Variants in GRIK4 observed in about 807,000 individuals in gnomAD.
The protein encoded by GRIK4 is glutamate receptor ionotropic, kainate 4.
GRIK4 carries 40 observed loss-of-function variants against 104.9 expected under a neutral mutation model. The ratio of observed to expected loss-of-function variants is 0.38; its 90% CI spans 0.30 to 0.50. The LOEUF is 0.50. Among genes scored for constraint, GRIK4 ranks in the 20% least tolerant of loss-of-function variants. GRIK4 has a pLI of 0.93. For missense variants in GRIK4, 1,047 were observed against 1,308.1 expected (o/e 0.80, Z 3.08); for synonymous variants, 485 against 524.9 (o/e 0.92, Z 1.04).
rs1172160547 is a variant in GRIK4, at chr11:120,986,026, C to G, written c.2637C>G (p.Arg879=). The change falls in exon 21 of 21, where the codon CGC becomes CGG. Residue 879 remains arginine, a synonymous_variant. Coordinates refer to ENST00000527524, the MANE Select transcript of GRIK4 (RefSeq NM_014619.5). ...PPPRPPIPEE[R]RPRGTATLSN... ...CCCGGCCCCCCATCCCCGAGGAGCG[C>G]CGACCGCGGGGCACGGCGACGCTCA... is the stretch of plus-strand genomic sequence containing the variant. 1 of 1,525,612 alleles carries G rather than the reference C, an allele frequency of 6.6e-7. No individual in the cohort carries two copies. The highest frequency in any genetic ancestry group is 8.8e-7 in the Non-Finnish European group (1 of 1,137,742). 94.5% of individuals were successfully genotyped at this position (1,525,612 alleles called of 1,614,324 possible).
At chr11:120,890,050 G>A (rs1238223294) in intron 11 of GRIK4, among the ~76,000 whole-genome samples, 1 of 152,120 alleles carries the variant, frequency 6.6e-6, no homozygotes, top group Non-Finnish European at 1.5e-5. Context: ...AAGTTGGAGG[G>A]TGGAACTTGA....
chr11:120,683,250 T>C (rs1375158878), intron 3 of GRIK4, among the ~76,000 whole-genome samples: 1 of 152,108 alleles, frequency 6.6e-6, no homozygotes. Flanking sequence ...ACAATGGAGA[T>C]GGTGAGAAGT....
At chr11:120,789,975 G>A (rs1250041358) in intron 3 of GRIK4, among the ~76,000 whole-genome samples, 1 of 152,100 alleles carries the variant, frequency 6.6e-6, no homozygotes, top group African/African-American at 2.4e-5. Context: ...TCTCTCTATG[G>A]AACCACTTCA....
chr11:120,727,133 AG>A (rs1008070630), intron 3 of GRIK4, among the ~76,000 whole-genome samples: 7 of 152,144 alleles, frequency 4.6e-5, no homozygotes, highest in African/African-American at 1.7e-4. Context: ...TGCAGTTGGG[AG>A]GGGTTTGGCC....
At chr11:120,547,866 A>G (rs1948101177) in intron 1 of GRIK4, among the ~76,000 whole-genome samples, 2 of 152,140 alleles carry the variant, frequency 1.3e-5, no homozygotes, top group African/African-American at 4.8e-5. Context: ...GCCCTGTTAG[A>G]GCTTTAAGAA....
chr11:120,945,250 T>G (rs1943830711), intron 14 of GRIK4, among the ~76,000 whole-genome samples: 1 of 152,176 alleles, frequency 6.6e-6, no homozygotes, highest in South Asian at 2.1e-4. Context: ...CCAGCTCAAA[T>G]GGCACTTGCT....
At chr11:120,761,182 AT>A (rs1387300882) in intron 3 of GRIK4, among the ~76,000 whole-genome samples, 2 of 152,098 alleles carry the variant, frequency 1.3e-5, no homozygotes, top group Non-Finnish European at 2.9e-5. Flanking sequence ...TTTGATTTGA[AT>A]TTCTCTAATG....
intron 3 of GRIK4, among the ~76,000 whole-genome samples, chr11:120,680,919 C>G (rs969444536): frequency 1.5e-4 from 23 of 152,160 alleles, no homozygotes; most frequent in African/African-American, 5.5e-4. Context: ...TCAGTTACGG[C>G]AAAATATATC....
intron 1 of GRIK4, among the ~76,000 whole-genome samples, chr11:120,528,644 G>A (rs1947888768): frequency 6.6e-6 from 1 of 152,178 alleles, no homozygotes; most frequent in Non-Finnish European, 1.5e-5. Flanking sequence ...TGGCTGGGGA[G>A]GCCTCACAAT....
chr11:120,872,855 C>T (rs1373836724), intron 9 of GRIK4: 1 of 153,368 alleles, frequency 6.5e-6, no homozygotes, highest in African/African-American at 2.4e-5. Flanking sequence ...GGACAGGTGT[C>T]TTCTGTCTTT....
At chr11:120,851,251 C>T (rs542065027) in intron 8 of GRIK4, among the ~76,000 whole-genome samples, 96 of 152,226 alleles carry the variant, frequency 6.3e-4, no homozygotes, top group African/African-American at 2.2e-3. Flanking sequence ...CCCACTGCAC[C>T]CCCCAGCCAT....
chr11:120,660,971 G>A (rs1949803943), intron 3 of GRIK4, among the ~76,000 whole-genome samples: 1 of 152,196 alleles, frequency 6.6e-6, no homozygotes, highest in Non-Finnish European at 1.5e-5. Context: ...GGTGTGGGCA[G>A]GCGGGCTTCC....
intron 3 of GRIK4, among the ~76,000 whole-genome samples, chr11:120,753,618 CA>C (rs1475822515): frequency 1.3e-5 from 2 of 152,180 alleles, no homozygotes; most frequent in African/African-American, 4.8e-5. Context: ...TCATCATTTT[CA>C]ATTCAACAAA....
At chr11:120,847,745 G>A (rs529123228) in intron 8 of GRIK4, among the ~76,000 whole-genome samples, 2 of 152,190 alleles carry the variant, frequency 1.3e-5, no homozygotes, top group African/African-American at 4.8e-5. Context: ...GTAAGGCAGG[G>A]GAAGAGGAAA....
At chr11:120,658,138 G>C (rs1012190656) in intron 2 of GRIK4, among the ~76,000 whole-genome samples, 3 of 149,016 alleles carry the variant, frequency 2.0e-5, no homozygotes, top group African/African-American at 7.8e-5. Context: ...TCTAGAATGT[G>C]TAATCTTTTG....
chr11:120,961,026 C>T lies in GRIK4; in HGVS notation c.1992C>T (p.Ala664=). 6.2e-7 allele frequency: 1 copy of T among 1,614,166 alleles called. No homozygotes were observed. Among genetic ancestry groups the T allele is most frequent in the Non-Finnish European group, 8.5e-7 (1 of 1,180,008 alleles). Residue 664 remains alanine (A), a synonymous_variant, in exon 17 of 21, where the codon GCC becomes GCT. Transcript: ENST00000527524. ...ESVDDLADQT[A]IEYGTIHGGS... ...TGGATGACCTGGCTGACCAGACCGC[C>T]ATTGAATATGGCACAATTCACGGAG... is the stretch of plus-strand genomic sequence containing the variant.
At chr11:120,836,269 A>T (rs1222321381) in intron 7 of GRIK4, among the ~76,000 whole-genome samples, 1 of 152,196 alleles carries the variant, frequency 6.6e-6, no homozygotes, top group Non-Finnish European at 1.5e-5. Context: ...TGTGCAAGTC[A>T]CTTAGCCTTT....
Position 120,956,738 on chromosome 11 carries a change from C to G in GRIK4, c.1701-42C>G. 1 of 1,436,950 alleles carries G rather than the reference C, an allele frequency of 7.0e-7. No homozygotes were observed. Among genetic ancestry groups the G allele is most frequent in the Non-Finnish European group, 9.3e-7 (1 of 1,072,256 alleles). The allele number at this position is 1,436,950 out of a possible 1,614,324, so 89.0% of individuals were successfully genotyped here. ...AGAGCCTGCCTGTGTCCCTTCACAC[C>G]CCGCCTCTGTGGCACTAGTGTATGT... On this transcript the variant is annotated intron_variant, in intron 15 of 20. Transcript: ENST00000527524. This position sits in a 1 kb window ranked among gnomAD's most constrained non-coding sequence, Gnocchi z 4.6.
rs1947916359 is a variant in GRIK4, at chr11:120,530,844, C to CT, written c.-159+18958dup. ...ATGGCATTTTGGGATGAGGAGAACT[C>CT]TGATTGTTAGACCCCGCTTCCCTAC... is the stretch of plus-strand genomic sequence containing the variant. On this transcript the variant is annotated intron_variant, in intron 1 of 20. Coordinates refer to ENST00000527524, the MANE Select transcript of GRIK4 (RefSeq NM_014619.5). 3.3e-5 allele frequency among the ~76,000 whole-genome samples: 5 copies of CT among 152,296 alleles called. No individual in the cohort carries two copies. The South Asian group carries it at 1.0e-3, about 32-fold the overall frequency.
Sources: gnomAD v4.1 joint callset for allele counts (sites outside exome capture counted in the v4.1 genomes callset) on GRCh38, gnomAD v4.1.1 for gene constraint, Gnocchi (gnomAD v3.1) non-coding constraint, MANE v1.5 for transcripts, NCBI Gene and HGNC (gene_info 2026-07-23, HGNC 2026-07-21) for gene names.